Variants in FAM149B1 observed in about 807,000 individuals in gnomAD.
FAM149B1 encodes primary cilium assembly protein FAM149B1.
FAM149B1 carries 56 observed loss-of-function variants against 75.3 expected under a neutral mutation model. That is an observed-to-expected ratio of 0.74 (90% confidence interval 0.60 to 0.93). FAM149B1 has a LOEUF of 0.93. Ranked by LOEUF, FAM149B1 falls within the 40% of genes least tolerant of loss-of-function variation. The pLI is 0.00. For synonymous variants in FAM149B1, 259 were observed against 256.1 expected, an observed-to-expected ratio of 1.01 and a Z score of -0.11; for missense variants, 639 against 708.4, an observed-to-expected ratio of 0.90 and a Z score of 1.11.
chr10:73,209,609 T>C (rs955686588), intron 6 of FAM149B1, among the ~76,000 whole-genome samples: 1 of 152,248 alleles, frequency 6.6e-6, no homozygotes, highest in Admixed American at 6.5e-5. Context: ...TCTTCTTTAC[T>C]GGATAGGTGA....
At chr10:73,240,320 G>A (rs559903978) in intron 13 of FAM149B1, among the ~76,000 whole-genome samples, 75 of 152,310 alleles carry the variant, frequency 4.9e-4, no homozygotes, top group African/African-American at 1.6e-3. Context: ...TGATTTCTCA[G>A]CTCAGTTCCC....
At chr10:73,202,742 G>C (rs899474489) in intron 5 of FAM149B1, among the ~76,000 whole-genome samples, 4 of 151,340 alleles carry the variant, frequency 2.6e-5, no homozygotes, top group African/African-American at 9.7e-5. Flanking sequence ...CCAGACTGGA[G>C]TACAGTGGTG....
intron 1 of FAM149B1, among the ~76,000 whole-genome samples, 190 bp downstream of exon 1, chr10:73,168,576 G>C (rs1288469587): frequency 6.6e-6 from 1 of 152,204 alleles, no homozygotes; most frequent in African/African-American, 2.4e-5. Context: ...GTCGCCCTTC[G>C]TCTGAAATTC....
Position 73,234,859 on chromosome 10 carries a change from CCT to C in FAM149B1, c.1396_1397del (p.Leu466GlufsTer4), listed in dbSNP as rs771002500. The C allele has an allele frequency of 7.9e-5, 122 of 1,551,586 alleles. No individual in the cohort carries two copies. The highest frequency in any genetic ancestry group is 9.7e-5 in the Non-Finnish European group (111 of 1,147,002). ...DSLSSPSPTP[L>X]SRNNLLPPIG... ...CGCTCTCCTCTCCCTCACCGACGCC[CCT>C]GAGTCGAAATAATCTGCTACCACCT... On this transcript the variant is annotated frameshift_variant, in exon 11 of 14. Transcript: ENST00000242505. LOFTEE classifies it high-confidence loss of function.
chr10:73,205,104 G>T (rs71471614), intron 5 of FAM149B1, among the ~76,000 whole-genome samples: 1 of 149,934 alleles, frequency 6.7e-6, no homozygotes, highest in Non-Finnish European at 1.5e-5. Context: ...TGAGCCACCC[G>T]CCTGGCCAAT....
rs1426951033 is a variant in FAM149B1, at chr10:73,221,467, T to C, written c.899-6593T>C. 2.6e-5 allele frequency among the ~76,000 whole-genome samples: 4 copies of C among 152,218 alleles called. No homozygotes were observed. In the East Asian group the frequency reaches 7.7e-4, roughly 29 times the overall value. ...TTGCCTTCTAGTACTTTTAAAATGC[T>C]GTCCATTTCTTCTCGCTTGCATTGT... On this transcript the variant is annotated intron_variant, in intron 7 of 13. Transcript: ENST00000242505.
chr10:73,228,764 T>A (rs147950271), intron 8 of FAM149B1, among the ~76,000 whole-genome samples: 3,783 of 152,116 alleles, frequency 0.025, 67 homozygotes, highest in Non-Finnish European at 0.034. Context: ...CTCGGCTGAT[T>A]TCTGTATTTT....
intron 5 of FAM149B1, among the ~76,000 whole-genome samples, chr10:73,206,439 C>T (rs956771803): frequency 2.6e-5 from 4 of 152,212 alleles, no homozygotes; most frequent in African/African-American, 9.7e-5. Context: ...GGAAGAGGAA[C>T]TCAAGCAGGC....
chr10:73,235,878 A>G (rs2043809083), intron 12 of FAM149B1, among the ~76,000 whole-genome samples: 1 of 152,088 alleles, frequency 6.6e-6, no homozygotes, highest in Non-Finnish European at 1.5e-5. Context: ...GACACTGCCT[A>G]CCATTTATTA....
chr10:73,173,111 C>G (rs944994822), intron 1 of FAM149B1, among the ~76,000 whole-genome samples: 1 of 151,934 alleles, frequency 6.6e-6, no homozygotes, highest in Non-Finnish European at 1.5e-5. Context: ...ACAGCAAGAC[C>G]CCATCTCAAA....
chr10:73,226,427 C>T (rs1208434653), intron 7 of FAM149B1, among the ~76,000 whole-genome samples: 1 of 152,086 alleles, frequency 6.6e-6, no homozygotes, highest in East Asian at 1.9e-4. Context: ...ATGGCATGAA[C>T]GTGGGAGGCA....
Position 73,200,916 on chromosome 10 carries a change from T to C in FAM149B1, c.542+7323T>C, listed in dbSNP as rs1461733508. The C allele has an allele frequency of 1.9e-5, 9 of 474,922 alleles. No homozygotes were observed. The East Asian group carries it at 4.3e-4, about 23-fold the overall frequency. The allele number at this position is 474,922 out of a possible 1,614,324, so 29.4% of individuals were successfully genotyped here. ...GGGACGTCACAGTTTTTGCTCTGCA[T>C]GGCGACATGGACCAGAAGGAGAGAG... On this transcript the variant is annotated intron_variant, in intron 5 of 13. Coordinates refer to ENST00000242505, the MANE Select transcript of FAM149B1 (RefSeq NM_173348.2).
intron 5 of FAM149B1, 126 bp downstream of exon 5, chr10:73,193,719 CT>C: frequency 1.1e-6 from 1 of 918,242 alleles, no homozygotes; most frequent in South Asian, 2.2e-5. Flanking sequence ...ATAGCAAATT[CT>C]GTAAGATTGT....
intron 7 of FAM149B1, among the ~76,000 whole-genome samples, chr10:73,223,318 A>T (rs2043461776): frequency 6.6e-6 from 1 of 152,138 alleles, no homozygotes; most frequent in Non-Finnish European, 1.5e-5. Context: ...TATAGTATAT[A>T]CCCTTATGCA....
At chr10:73,238,034 T>C (rs1014815212) in intron 12 of FAM149B1, among the ~76,000 whole-genome samples, 1 of 152,074 alleles carries the variant, frequency 6.6e-6, no homozygotes, top group African/African-American at 2.4e-5. Flanking sequence ...AGATAGCTAG[T>C]TGTTTAGTTT....
rs1472447731 is a variant in FAM149B1, at chr10:73,199,141, ATATAAC to A, written c.542+5557_542+5562del. Reference sequence around the variant, plus strand: ...CACAAGAAAACACATCTCTATTTAAATATAACTATAACTACCAGGGCAACACAGTAT... The same window carrying A: ...CACAAGAAAACACATCTCTATTTAAATATAACTACCAGGGCAACACAGTAT... On this transcript the variant is annotated intron_variant, in intron 5 of 13. Coordinates refer to ENST00000242505, the MANE Select transcript of FAM149B1 (RefSeq NM_173348.2). Among the ~76,000 whole-genome samples the A allele has an allele frequency of 1.1e-4, 17 of 152,310 alleles. 1 individual carries two copies. In the South Asian group the frequency reaches 3.3e-3, roughly 30 times the overall value.
chr10:73,225,408 T>C (rs1193192568), intron 7 of FAM149B1, among the ~76,000 whole-genome samples: 1 of 152,182 alleles, frequency 6.6e-6, no homozygotes, highest in Non-Finnish European at 1.5e-5. Context: ...CTAATGTGTG[T>C]GTTTGTGTCT....
intron 3 of FAM149B1, among the ~76,000 whole-genome samples, chr10:73,179,839 T>G (rs1040895329): frequency 5.3e-5 from 8 of 152,202 alleles, no homozygotes; most frequent in African/African-American, 1.9e-4. Context: ...ACCATCATTT[T>G]ATATAGACAT....
At chr10:73,219,379 C>T (rs1470922674) in intron 7 of FAM149B1, among the ~76,000 whole-genome samples, 3 of 152,086 alleles carry the variant, frequency 2.0e-5, no homozygotes, top group Non-Finnish European at 4.4e-5. Context: ...ATTCCAGCTG[C>T]CTTTTTTTGT....
Sources: gnomAD v4.1 joint callset for allele counts (sites outside exome capture counted in the v4.1 genomes callset) on GRCh38, gnomAD v4.1.1 for gene constraint, MANE v1.5 for transcripts, NCBI Gene and HGNC (gene_info 2026-07-23, HGNC 2026-07-21) for gene names.